GSE1: variants seen among roughly 807,000 people sequenced by gnomAD.
GSE1 encodes the protein Gse1 coiled-coil protein.
GSE1 carries 32 observed loss-of-function variants against 112.6 expected under a neutral mutation model. The ratio of observed to expected loss-of-function variants is 0.28; its 90% CI spans 0.21 to 0.38. GSE1 has a LOEUF of 0.38. Among genes scored for constraint, GSE1 ranks in the 10% least tolerant of loss-of-function variants. The pLI is 1.00. For synonymous variants in GSE1, 1,115 were observed against 735.6 expected (o/e 1.52, Z -8.35); for missense variants, 2,348 against 1,699.2 (o/e 1.38, Z -6.71).
At chr16:85,529,798 A>G (rs2044079501) in intron 2 of GSE1, among the ~76,000 whole-genome samples, 1 of 152,220 alleles carries the variant, frequency 6.6e-6, no homozygotes, top group Admixed American at 6.5e-5. Context: ...TTTGCCAGAA[A>G]GGCTGTCTTC....
chr16:85,393,613 TC>T (rs1376309448), intron 2 of GSE1, among the ~76,000 whole-genome samples: 11 of 152,318 alleles, frequency 7.2e-5, no homozygotes, highest in Non-Finnish European at 1.3e-4. Context: ...GAGCCACCTA[TC>T]CCTGACTGAG....
intron 2 of GSE1, among the ~76,000 whole-genome samples, chr16:85,456,679 G>A (rs560085107): frequency 6.7e-6 from 1 of 148,342 alleles, no homozygotes; most frequent in Admixed American, 6.8e-5. Flanking sequence ...GGGACTTGAG[G>A]CAGCTAAGTG....
In GSE1 at chr16:85,292,368, C is replaced by T. The variant is rs143425334; in HGVS notation, c.2284-65095C>T. 5.3e-3 allele frequency among the ~76,000 whole-genome samples: 750 copies of T among 141,768 alleles called. 7 individuals carry two copies. Among genetic ancestry groups the T allele is most frequent in the African/African-American group, 0.019 (711 of 38,000 alleles). 93.0% of individuals were successfully genotyped at this position (141,768 alleles called of 152,430 possible). A position where few individuals can be genotyped will look rare whatever the true frequency, so the allele number is the denominator to read the frequency against. ...TTTCTGAGACAGAGTCTTGCTCTGTCAACAGGCTGGAGTGCAGTGGCGCGA... is the reference window on the plus strand; with the variant it reads ...TTTCTGAGACAGAGTCTTGCTCTGTTAACAGGCTGGAGTGCAGTGGCGCGA... On this transcript the variant is annotated intron_variant, in intron 1 of 2. Coordinates refer to the GSE1 transcript ENST00000637419.
chr16:85,651,333 G>A (rs972707621), intron 3 of GSE1, among the ~76,000 whole-genome samples: 3 of 151,850 alleles, frequency 2.0e-5, no homozygotes, highest in East Asian at 3.9e-4. Flanking sequence ...AGGGTTGGCC[G>A]GGCGCCAGCC....
Position 85,672,575 on chromosome 16 carries a change from G to A in GSE1, c.*36G>A, listed in dbSNP as rs2053440707. 2 of 1,437,860 alleles carry A rather than the reference G, an allele frequency of 1.4e-6. No homozygotes were observed. Among genetic ancestry groups the A allele is most frequent in the Non-Finnish European group, 1.9e-6 (2 of 1,056,970 alleles). 89.1% of individuals were successfully genotyped at this position (1,437,860 alleles called of 1,614,324 possible). A position where few individuals can be genotyped will look rare whatever the true frequency, so the allele number is the denominator to read the frequency against. On this transcript the variant is annotated 3_prime_UTR_variant, in exon 16 of 16. Coordinates refer to ENST00000253458, the MANE Select transcript of GSE1 (RefSeq NM_014615.5). ...TGCACTAGGCCGAACCTATAGTATA[G>A]AAATATTATCTATTTTATTACCTTG...
intron 1 of GSE1, among the ~76,000 whole-genome samples, chr16:85,316,992 G>C (rs1364997632): frequency 1.3e-5 from 2 of 152,206 alleles, no homozygotes; most frequent in Non-Finnish European, 2.9e-5. Flanking sequence ...TGCTGAGCGA[G>C]TCTCAGGCCC....
At position 85,343,149 on chromosome 16, in the gene GSE1, A is replaced by C. The variant is rs536478655; in HGVS notation, c.2284-14314A>C. Among the ~76,000 whole-genome samples, 645 of 152,220 alleles carry C rather than the reference A, an allele frequency of 4.2e-3. 2 individuals carry two copies. The highest frequency in any genetic ancestry group is 0.015 in the African/African-American group (620 of 41,560). On this transcript the variant is annotated intron_variant, in intron 1 of 2. Coordinates refer to the GSE1 transcript ENST00000637419. ...GTTCAACAAAGCGTGGCGCGTCCACACTACGGCACGCTCCTCAGCAATGAA... is the reference window on the plus strand; with the variant it reads ...GTTCAACAAAGCGTGGCGCGTCCACCCTACGGCACGCTCCTCAGCAATGAA...
At chr16:85,467,999 C>A (rs372764098) in intron 2 of GSE1, among the ~76,000 whole-genome samples, 2 of 152,222 alleles carry the variant, frequency 1.3e-5, no homozygotes, top group South Asian at 2.1e-4. Flanking sequence ...TGCAGACTTG[C>A]CTTCTCTCGA....
chr16:85,376,659 C>T (rs966927970), intron 2 of GSE1, among the ~76,000 whole-genome samples: 4 of 152,184 alleles, frequency 2.6e-5, no homozygotes, highest in Non-Finnish European at 4.4e-5. Context: ...GGAGGCCAGC[C>T]CAGAGGGAGA....
intron 2 of GSE1, among the ~76,000 whole-genome samples, chr16:85,454,169 G>C (rs1190044336): frequency 6.6e-6 from 1 of 152,228 alleles, no homozygotes; most frequent in Non-Finnish European, 1.5e-5. Flanking sequence ...ATTTATTAAG[G>C]ACTGGCAGCG....
chr16:85,407,996 G>C lies in GSE1; in HGVS notation c.2464+50353G>C, dbSNP rs1597643127. On this transcript the variant is annotated intron_variant, in intron 2 of 2. Coordinates refer to the GSE1 transcript ENST00000637419. ...CTGATAATCCTCACTGTTACACTCAGGGCCCCCTGGATAATCCTCACTGTT... is the reference window on the plus strand; with the variant it reads ...CTGATAATCCTCACTGTTACACTCACGGCCCCCTGGATAATCCTCACTGTT... Among the ~76,000 whole-genome samples the C allele has an allele frequency of 5.7e-5, 3 of 52,316 alleles. 1 individual carries two copies. Among genetic ancestry groups the C allele is most frequent in the Non-Finnish European group, 1.2e-4 (3 of 25,442 alleles). The allele number at this position is 52,316 out of a possible 152,430, so 34.3% of individuals were successfully genotyped here. A position where few individuals can be genotyped will look rare whatever the true frequency, so the allele number is the denominator to read the frequency against.
intron 1 of GSE1, among the ~76,000 whole-genome samples, chr16:85,238,506 G>A (rs1184362213): frequency 1.3e-5 from 2 of 152,126 alleles, no homozygotes; most frequent in Non-Finnish European, 2.9e-5. Flanking sequence ...CCCTGGCCTC[G>A]GCGTGTGTCC....
intron 1 of GSE1, among the ~76,000 whole-genome samples, chr16:85,235,470 G>GTGTA (rs1007804094): frequency 2.5e-4 from 34 of 135,248 alleles, no homozygotes; most frequent in African/African-American, 8.8e-4. Context: ...GTGTGTGTGT[G>GTGTA]TAGGGGGTGT....
At chr16:85,420,644 T>C (rs1311554835) in intron 2 of GSE1, among the ~76,000 whole-genome samples, 1 of 151,904 alleles carries the variant, frequency 6.6e-6, no homozygotes, top group African/African-American at 2.4e-5. Context: ...GCCAGCCCAC[T>C]CGGCCCACCG....
chr16:85,243,143 G>A (rs1567633827), intron 1 of GSE1, among the ~76,000 whole-genome samples: 1 of 152,214 alleles, frequency 6.6e-6, no homozygotes, highest in East Asian at 1.9e-4. Flanking sequence ...CCCCCGAGGA[G>A]ACACACAAAT....
At chr16:85,331,524 T>C (rs2151518693) in intron 1 of GSE1, among the ~76,000 whole-genome samples, 1 of 99,204 alleles carries the variant, frequency 1.0e-5, no homozygotes, top group East Asian at 2.6e-4. Flanking sequence ...TATGTGTATA[T>C]ATGTGTATAT....
chr16:85,509,417 C>A (rs2051657502), intron 2 of GSE1, among the ~76,000 whole-genome samples: 1 of 152,214 alleles, frequency 6.6e-6, no homozygotes, highest in Non-Finnish European at 1.5e-5. Flanking sequence ...TCAGGAGCCC[C>A]CAGCTCCAGG....
At chr16:85,473,567 G>A (rs917512136) in intron 2 of GSE1, among the ~76,000 whole-genome samples, 2 of 152,162 alleles carry the variant, frequency 1.3e-5, no homozygotes, top group Non-Finnish European at 2.9e-5. Flanking sequence ...GCTTGTGGCC[G>A]CATGTCCCTG....
rs1025222989 is a variant in GSE1 at position 85,672,413 on chromosome 16, G to C, written c.3528G>C (p.Arg1176Ser). Reference protein sequence around the residue: ...EQLSHSVAELRSQKQKMVSER... With the variant: ...EQLSHSVAELSSQKQKMVSER... ...AATTTCCCTCTCTCCAGGAGTTGAG[G>C]AGCCAGAAACAGAAGATGGTCTCAG... The change falls in exon 16 of 16, where the codon AGG becomes AGC. Residue 1176 changes from arginine (R) to serine (S), a missense_variant. By Grantham distance (110) the Arg-to-Ser change is moderately radical. Coordinates refer to ENST00000253458, the MANE Select transcript of GSE1 (RefSeq NM_014615.5). 3 of 1,611,522 alleles carry C rather than the reference G, an allele frequency of 1.9e-6. No homozygotes were observed. Among genetic ancestry groups the C allele is most frequent in the African/African-American group, 2.7e-5 (2 of 74,868 alleles).
Sources: allele counts gnomAD v4.1 joint callset (sites outside exome capture counted in the v4.1 genomes callset), GRCh38; gene constraint gnomAD v4.1.1; transcripts MANE v1.5; gene names NCBI Gene and HGNC (gene_info 2026-07-23, HGNC 2026-07-21).